Variants in TELO2 observed in about 807,000 individuals in gnomAD.
TELO2 encodes the protein telomere maintenance 2, also known as telomere length regulation protein TEL2 homolog.
Under a neutral mutation model 91.0 loss-of-function variants are expected in TELO2, and 71 were observed. The ratio of observed to expected loss-of-function variants is 0.78; its 90% CI spans 0.64 to 0.95. The LOEUF is 0.95. Ranked by LOEUF, TELO2 falls within the 40% of genes least tolerant of loss-of-function variation. TELO2 has a pLI of 0.00. For synonymous variants in TELO2, 584 were observed against 518.9 expected (o/e 1.13, Z -1.71); for missense variants, 1,183 against 1,141.3 (o/e 1.04, Z -0.53).
rs764753219 is a variant in TELO2 at position 1,497,520 on chromosome 16, G to C, written c.830+12G>C. The C allele has an allele frequency of 2.6e-6, 4 of 1,547,516 alleles. No individual in the cohort carries two copies. In the East Asian group the frequency reaches 9.6e-5, roughly 37 times the overall value. Reference sequence around the variant, plus strand: ...GAGGCCGCACTGGGGTAAGCAGCCAGGCTGTCCTCCAGCTGCACTGGCTTC... The same window carrying C: ...GAGGCCGCACTGGGGTAAGCAGCCACGCTGTCCTCCAGCTGCACTGGCTTC... On this transcript the variant is annotated intron_variant, in intron 5 of 20. Coordinates refer to ENST00000262319, the MANE Select transcript of TELO2 (RefSeq NM_016111.4). The surrounding 1 kb of genome is among the most constrained non-coding windows in gnomAD (Gnocchi z 4.0).
At chr16:1,506,600 C>T (rs1441900370) in intron 17 of TELO2, 1 of 1,398,708 alleles carries the variant, frequency 7.1e-7, no homozygotes, top group Non-Finnish European at 9.3e-7. Context: ...CCGACGCCAT[C>T]ACCTGCTGGG....
In TELO2 at chr16:1,500,528, C is replaced by G. The variant is rs768595145; in HGVS notation, c.1145-35C>G. ...TGGGCTCCCCCCGGCCTCGGGCGCC[C>G]CGAGGTGCTCAGGGGGCCTGTCCGG... On this transcript the variant is annotated intron_variant, in intron 8 of 20. Coordinates refer to ENST00000262319, the MANE Select transcript of TELO2 (RefSeq NM_016111.4). 3.1e-6 allele frequency: 5 copies of G among 1,610,066 alleles called. No homozygotes were observed. In the South Asian group the frequency reaches 5.5e-5, roughly 18 times the overall value.
In TELO2 at chr16:1,497,406, AG is replaced by A; in HGVS notation, c.731del (p.Gly244AlafsTer25). 6.4e-7 allele frequency: 1 copy of A among 1,552,326 alleles called. No homozygotes were observed. The highest frequency in any genetic ancestry group is 8.7e-7 in the Non-Finnish European group (1 of 1,148,272). On this transcript the variant is annotated frameshift_variant, in exon 5 of 21. Transcript: ENST00000262319. LOFTEE classifies it high-confidence loss of function. The surrounding 1 kb of genome is among the most constrained non-coding windows in gnomAD (Gnocchi z 4.0). ...GTACCCCGGCTGGCAGCGCTCACCC[AG>A]GGCAGCTACCTGCACCAGCGCGTCT... ...VLVPRLAALT[Q>X]GSYLHQRVCW...
rs2042263928 is a variant in TELO2 at position 1,505,410 on chromosome 16, G to T, written c.1843G>T (p.Val615Leu). ...SLRQRMDILD[V>L]LTLAAQELSR... ...CGGCCCTGGGCCTGTCTCCCTCCAG[G>T]TGCTGACTCTGGCTGCCCAGGAGCT... The change falls in exon 16 of 21, where the codon GTG (valine) becomes TTG (leucine). Residue 615 changes from valine (V) to leucine (L), a missense_variant and splice_region_variant. Transcript: ENST00000262319. This position sits in a 1 kb window ranked among gnomAD's most constrained non-coding sequence, Gnocchi z 4.3. 6.2e-7 allele frequency: 1 copy of T among 1,608,386 alleles called. No individual in the cohort carries two copies. The highest frequency in any genetic ancestry group is 8.5e-7 in the Non-Finnish European group (1 of 1,176,356).
At position 1,502,750 on chromosome 16, in the gene TELO2, G is replaced by C; in HGVS notation, c.1759G>C (p.Asp587His). The C allele has an allele frequency of 6.2e-7, 1 of 1,612,022 alleles. No individual in the cohort carries two copies. Among genetic ancestry groups the C allele is most frequent in the Non-Finnish European group, 8.5e-7 (1 of 1,179,800 alleles). Residue 587 changes from aspartate (D) to histidine (H), a missense_variant, in exon 14 of 21, where the codon GAC becomes CAC. Coordinates refer to ENST00000262319, the MANE Select transcript of TELO2 (RefSeq NM_016111.4). ...AGCCCTGGTGGCCGTCACGGTCACA[G>C]ACCCGGCCCCGGTGAGTTCCCGCAC... is the stretch of plus-strand genomic sequence containing the variant. The part of the protein sequence containing the change: ...QRALVAVTVT[D>H]PAPVADYLTS...
chr16:1,496,942 G>A (rs2039512855), intron 3 of TELO2, 94 bp from the exon 4 acceptor site: 2 of 1,285,046 alleles, frequency 1.6e-6, no homozygotes, highest in South Asian at 1.3e-5. Context: ...CTGTCGGTTG[G>A]AGTCCGCCTG....
Position 1,505,241 on chromosome 16 carries a change from C to A in TELO2, c.1843-169C>A, listed in dbSNP as rs935962264. ...CCCCACCTTCCCGCCTACCAAGGCG[C>A]GGTTGCTGTGAGCTACGGGGAAGTG... On this transcript the variant is annotated intron_variant, in intron 15 of 20. Transcript: ENST00000262319. This position sits in a 1 kb window ranked among gnomAD's most constrained non-coding sequence, Gnocchi z 4.3. 2.7e-6 allele frequency: 2 copies of A among 737,524 alleles called. No individual in the cohort carries two copies. The highest frequency in any genetic ancestry group is 1.8e-5 in the African/African-American group (1 of 56,592). The allele number at this position is 737,524 out of a possible 1,614,324, so 45.7% of individuals were successfully genotyped here.
At chr16:1,506,436 A>T in intron 17 of TELO2, 107 bp downstream of exon 17, 1 of 1,591,038 alleles carries the variant, frequency 6.3e-7, no homozygotes, top group Non-Finnish European at 8.6e-7. Flanking sequence ...GGGTGTGAAC[A>T]GGGTCGTGCT....
rs767631688 is a variant in TELO2 at position 1,502,686 on chromosome 16, G to A, written c.1695G>A (p.Glu565=). The A allele has an allele frequency of 1.2e-6, 2 of 1,612,712 alleles. No individual in the cohort carries two copies. Among genetic ancestry groups the A allele is most frequent in the Non-Finnish European group, 1.7e-6 (2 of 1,179,880 alleles). Residue 565 remains glutamate (E), a synonymous_variant, in exon 14 of 21, where the codon GAG becomes GAA. Coordinates refer to ENST00000262319, the MANE Select transcript of TELO2 (RefSeq NM_016111.4). ...ELAKVLLHLE[E]KTCVVGFAGL... is the part of the protein sequence containing the mutation. ...CCAAGGTGCTTCTGCATCTGGAGGAGAAGACCTGTGTGGTGGGATTTGCAG... is the reference window on the plus strand; with the variant it reads ...CCAAGGTGCTTCTGCATCTGGAGGAAAAGACCTGTGTGGTGGGATTTGCAG...
At position 1,497,524 on chromosome 16, in the gene TELO2, G is replaced by A; in HGVS notation, c.830+16G>A. 1.9e-6 allele frequency: 3 copies of A among 1,543,030 alleles called. No homozygotes were observed. Among genetic ancestry groups the A allele is most frequent in the East Asian group, 2.4e-5 (1 of 41,290 alleles). Reference sequence around the variant, plus strand: ...CCGCACTGGGGTAAGCAGCCAGGCTGTCCTCCAGCTGCACTGGCTTCTGGG... The same window carrying A: ...CCGCACTGGGGTAAGCAGCCAGGCTATCCTCCAGCTGCACTGGCTTCTGGG... On this transcript the variant is annotated intron_variant, in intron 5 of 20. Transcript: ENST00000262319. This position sits in a 1 kb window ranked among gnomAD's most constrained non-coding sequence, Gnocchi z 4.0.
chr16:1,496,476 C>T (rs1368092588), intron 3 of TELO2, among the ~76,000 whole-genome samples: 1 of 152,262 alleles, frequency 6.6e-6, no homozygotes, highest in Non-Finnish European at 1.5e-5. Flanking sequence ...TTGGGAACAT[C>T]TCGGACACAT....
Position 1,507,356 on chromosome 16 carries a change from C to T in TELO2, c.2277C>T (p.Arg759=), listed in dbSNP as rs148599208. 134 of 1,611,014 alleles carry T rather than the reference C, an allele frequency of 8.3e-5. No homozygotes were observed. In the African/African-American group the frequency reaches 1.6e-3, roughly 19 times the overall value. The part of the protein sequence containing the change: ...KALLEFVWAL[R]FHIDAYVRQG... ...TGCTGGAATTCGTGTGGGCCCTTCG[C>T]TTCCACATCGATGCGTGAGTGGCCT... The change falls in exon 19 of 21, where the codon CGC becomes CGT. Residue 759 remains arginine, a synonymous_variant. Transcript: ENST00000262319.
intron 3 of TELO2, among the ~76,000 whole-genome samples, chr16:1,496,715 G>T (rs759335970): frequency 5.3e-5 from 8 of 152,314 alleles, no homozygotes; most frequent in African/African-American, 1.9e-4. Context: ...CCTACCCTGC[G>T]TGGCTGACCC....
chr16:1,509,352 CG>C (rs528364917), intron 20 of TELO2, among the ~76,000 whole-genome samples: 185 of 152,336 alleles, frequency 1.2e-3, no homozygotes, highest in African/African-American at 4.2e-3. Context: ...CAAGGCTCCC[CG>C]GGGCCCCAGG....
In TELO2 at chr16:1,494,485, C is replaced by G; in HGVS notation, c.204C>G (p.Ser68Arg). The change falls in exon 2 of 21, where the codon AGC (serine) becomes AGG (arginine). Residue 68 changes from serine (S) to arginine (R), a missense_variant. Coordinates refer to ENST00000262319, the MANE Select transcript of TELO2 (RefSeq NM_016111.4). The surrounding 1 kb of genome is among the most constrained non-coding windows in gnomAD (Gnocchi z 5.6). The stretch of plus-strand genomic sequence containing the variant: ...CGCCTGTCCTCAGATGTCTTGCCAG[C>G]AGGCTGAGCCCAGCCTGGCTGGAGC... ...HFSPVLRCLA[S>R]RLSPAWLELL... 1 of 1,613,328 alleles carries G rather than the reference C, an allele frequency of 6.2e-7. No homozygotes were observed. Among genetic ancestry groups the G allele is most frequent in the Non-Finnish European group, 8.5e-7 (1 of 1,179,960 alleles).
chr16:1,507,786 GTGTGTGAGAGA>G (rs1163446965), intron 20 of TELO2, 70 bp downstream of exon 20: 1 of 1,289,632 alleles, frequency 7.8e-7, no homozygotes, highest in Non-Finnish European at 1.0e-6. Context: ...GTGTGTGTGT[GTGTGTGAGAGA>G]TGTGTCGGCC....
rs878853273 is a variant in TELO2, at chr16:1,505,602, G to A, written c.2034+1G>A. 8.1e-6 allele frequency: 12 copies of A among 1,481,870 alleles called. No individual in the cohort carries two copies. The highest frequency in any genetic ancestry group is 1.1e-5 in the Non-Finnish European group (12 of 1,092,056). 91.8% of individuals were successfully genotyped at this position (1,481,870 alleles called of 1,614,324 possible). ...AAGCAAGACCCAGCGGCTCTCCAAG[G>A]TTAGTGGCGCCTGGTCAGCTCCTCA... On this transcript the variant is annotated splice_donor_variant, in intron 16 of 20. Transcript: ENST00000262319. LOFTEE classifies it high-confidence loss of function. The surrounding 1 kb of genome is among the most constrained non-coding windows in gnomAD (Gnocchi z 4.3).
intron 19 of TELO2, 41 bp from the exon 20 acceptor site, chr16:1,507,560 G>A (rs1020772725): frequency 3.2e-6 from 5 of 1,540,968 alleles, no homozygotes; most frequent in Non-Finnish European, 4.4e-6. Flanking sequence ...GGTCTGGGGT[G>A]TGGTCCCTGC....
chr16:1,498,360 G>C (rs935410639), intron 5 of TELO2, among the ~76,000 whole-genome samples: 3 of 152,118 alleles, frequency 2.0e-5, no homozygotes, highest in Middle Eastern at 3.2e-3. Context: ...TGTGTTTAAG[G>C]CATTTGTATT....
Sources: gnomAD v4.1 joint callset for allele counts (sites outside exome capture counted in the v4.1 genomes callset) on GRCh38, gnomAD v4.1.1 for gene constraint, Gnocchi (gnomAD v3.1) non-coding constraint, MANE v1.5 for transcripts, NCBI Gene and HGNC (gene_info 2026-07-23, HGNC 2026-07-21) for gene names.